FIG4: variants seen among roughly 807,000 people sequenced by gnomAD.
The protein encoded by FIG4 is polyphosphoinositide phosphatase.
FIG4 carries 112 observed loss-of-function variants against 118.6 expected under a neutral mutation model. That is an observed-to-expected ratio of 0.94 (90% CI 0.81 to 1.11). The LOEUF is 1.11. Ranked by LOEUF, FIG4 falls within the 50% of genes least tolerant of loss-of-function variation. The pLI is 0.00. For missense variants in FIG4, 969 were observed against 1,111.7 expected (o/e 0.87, Z 1.83); for synonymous variants, 369 against 381.2 (o/e 0.97, Z 0.37).
chr6:109,758,906 C>T (rs994062029), intron 10 of FIG4, among the ~76,000 whole-genome samples: 4 of 152,188 alleles, frequency 2.6e-5, no homozygotes, highest in South Asian at 2.1e-4. Flanking sequence ...CAATGAGATA[C>T]CATCTCACGC....
chr6:109,762,906 G>A (rs1777156022), intron 12 of FIG4, among the ~76,000 whole-genome samples: 1 of 152,098 alleles, frequency 6.6e-6, no homozygotes, highest in South Asian at 2.1e-4. Context: ...AATTTATTAT[G>A]GTGAAAGGAT....
In FIG4 at chr6:109,778,163, G is replaced by A. The variant is rs138086468; in HGVS notation, c.1889+1103G>A. Among the ~76,000 whole-genome samples, 49 of 152,020 alleles carry A rather than the reference G, an allele frequency of 3.2e-4. No homozygotes were observed. The East Asian group carries it at 4.1e-3, about 13-fold the overall frequency. On this transcript the variant is annotated intron_variant, in intron 16 of 22. Coordinates refer to ENST00000230124, the MANE Select transcript of FIG4 (RefSeq NM_014845.6). ...CAGTTTGATAGAGCCCTAATTTTGC[G>A]CAAAGATACCTACCAGGCCGGGCGT... is the stretch of plus-strand genomic sequence containing the variant.
At chr6:109,705,170 C>T (rs1300516292) in intron 1 of FIG4, among the ~76,000 whole-genome samples, 1 of 151,538 alleles carries the variant, frequency 6.6e-6, no homozygotes, top group Non-Finnish European at 1.5e-5. Flanking sequence ...TTTTTAATCC[C>T]CAAAATGCTG....
At chr6:109,718,326 A>G (rs1775496975) in intron 3 of FIG4, among the ~76,000 whole-genome samples, 1 of 152,222 alleles carries the variant, frequency 6.6e-6, no homozygotes, top group African/African-American at 2.4e-5. Flanking sequence ...TTACAATGGA[A>G]CATGAGATTT....
chr6:109,775,521 T>C (rs1019945617), intron 15 of FIG4, among the ~76,000 whole-genome samples: 13 of 152,140 alleles, frequency 8.5e-5, no homozygotes, highest in Non-Finnish European at 1.8e-4. Flanking sequence ...TATTAAGATA[T>C]TTTGAGGTAC....
At chr6:109,820,841 A>G (rs2128401867) in intron 22 of FIG4, among the ~76,000 whole-genome samples, 1 of 152,228 alleles carries the variant, frequency 6.6e-6, no homozygotes, top group Admixed American at 6.5e-5. Flanking sequence ...CCCCAAATCT[A>G]AAGAGGATGT....
intron 10 of FIG4, among the ~76,000 whole-genome samples, chr6:109,746,007 C>T (rs565161014): frequency 3.4e-4 from 52 of 152,218 alleles, no homozygotes; most frequent in African/African-American, 1.3e-3. Flanking sequence ...AACTATACTA[C>T]AAGGCTACAG....
chr6:109,780,788 T>C (rs532818810), intron 16 of FIG4, among the ~76,000 whole-genome samples: 12 of 152,314 alleles, frequency 7.9e-5, no homozygotes, highest in Admixed American at 2.6e-4. Flanking sequence ...GGGAATAAAC[T>C]TAACTCTACC....
intron 16 of FIG4, among the ~76,000 whole-genome samples, chr6:109,779,633 A>G (rs1490202474): frequency 6.6e-6 from 1 of 152,052 alleles, no homozygotes; most frequent in Non-Finnish European, 1.5e-5. Flanking sequence ...GTGTCAGGGG[A>G]AGAGGGAATT....
intron 22 of FIG4, among the ~76,000 whole-genome samples, chr6:109,812,911 C>T (rs1778760389): frequency 1.3e-5 from 2 of 152,154 alleles, no homozygotes; most frequent in Admixed American, 6.6e-5. Context: ...GGGTGAATAA[C>T]TGCAGGAGAG....
rs146856757 is a variant in FIG4, at chr6:109,734,860, T to G, written c.498-290T>G. Among the ~76,000 whole-genome samples the G allele has an allele frequency of 1.5e-4, 23 of 152,260 alleles. No homozygotes were observed. In the East Asian group the frequency reaches 4.4e-3, roughly 29 times the overall value. On this transcript the variant is annotated intron_variant, in intron 5 of 22. Coordinates refer to ENST00000230124, the MANE Select transcript of FIG4 (RefSeq NM_014845.6). ...CACAAGACCATCAACTTAGATTGAT[T>G]TCAGTATGAAGCAAAAAATGCACAT... is the stretch of plus-strand genomic sequence containing the variant.
chr6:109,753,375 G>T (rs1243785259), intron 10 of FIG4, among the ~76,000 whole-genome samples: 1 of 151,388 alleles, frequency 6.6e-6, no homozygotes, highest in Non-Finnish European at 1.5e-5. Flanking sequence ...GTCAGGTAGC[G>T]TGATGCCTCC....
chr6:109,729,115 TA>T (rs1037493810), intron 4 of FIG4, among the ~76,000 whole-genome samples: 2 of 152,162 alleles, frequency 1.3e-5, no homozygotes, highest in Non-Finnish European at 2.9e-5. Context: ...GGAAATAAAA[TA>T]CAGTACTATT....
At chr6:109,788,433 A>G (rs972911660) in intron 18 of FIG4, among the ~76,000 whole-genome samples, 1 of 152,372 alleles carries the variant, frequency 6.6e-6, no homozygotes, top group African/African-American at 2.4e-5. Context: ...CATGGTGTCA[A>G]ATAGACTGTG....
chr6:109,767,719 A>G (rs1437576181), intron 15 of FIG4, among the ~76,000 whole-genome samples: 1 of 152,136 alleles, frequency 6.6e-6, no homozygotes, highest in Non-Finnish European at 1.5e-5. Flanking sequence ...AAAAATTACA[A>G]AAATTAGCCA....
At chr6:109,774,209 T>G (rs1016338040) in intron 15 of FIG4, among the ~76,000 whole-genome samples, 1 of 152,230 alleles carries the variant, frequency 6.6e-6, no homozygotes, top group Admixed American at 6.5e-5. Flanking sequence ...GATAGCCACT[T>G]GTATATTTAG....
rs1421636084 is a variant in FIG4 at position 109,765,096 on chromosome 6, C to T, written c.1518C>T (p.Ala506=). ...TTATGGTGGGAAAATGTGCTCTGGC[C>T]TATCAGCTGTATTCACTGGGACTGA... ...AQFMVGKCAL[A]YQLYSLGLID... Residue 506 remains alanine, a synonymous_variant, in exon 14 of 23, where the codon GCC becomes GCT. Transcript: ENST00000230124. 1 of 1,613,684 alleles carries T rather than the reference C, an allele frequency of 6.2e-7. No homozygotes were observed. The highest frequency in any genetic ancestry group is 1.3e-5 in the African/African-American group (1 of 74,906).
chr6:109,743,013 C>T (rs1776371741), intron 8 of FIG4, 97 bp from the exon 9 acceptor site: 4 of 1,086,076 alleles, frequency 3.7e-6, no homozygotes, highest in Non-Finnish European at 5.5e-6. Flanking sequence ...GGAATTATAA[C>T]TTCATTGAAA....
rs72944974 is a variant in FIG4 at position 109,792,563 on chromosome 6, T to C, written c.2377-19T>C. 0.065 allele frequency: 92,142 copies of C among 1,419,848 alleles called. 3,522 individuals are homozygous for C. The highest frequency in any genetic ancestry group is 0.17 in the South Asian group (13,466 of 80,010). 88.0% of individuals were successfully genotyped at this position (1,419,848 alleles called of 1,614,324 possible). On this transcript the variant is annotated intron_variant, in intron 20 of 22. Coordinates refer to ENST00000230124, the MANE Select transcript of FIG4 (RefSeq NM_014845.6). ...CTAAAAATTCTTCCTGGTTCTTCTTTTTTTTTTTTAAACCCCAGAATGTGG... is the reference window on the plus strand; with the variant it reads ...CTAAAAATTCTTCCTGGTTCTTCTTCTTTTTTTTTAAACCCCAGAATGTGG...
Sources: gnomAD v4.1 joint callset for allele counts (sites outside exome capture counted in the v4.1 genomes callset) on GRCh38, gnomAD v4.1.1 for gene constraint, MANE v1.5 for transcripts, NCBI Gene and HGNC (gene_info 2026-07-23, HGNC 2026-07-21) for gene names.